SGIP1: variants seen among roughly 807,000 people sequenced by gnomAD.
SGIP1 encodes SH3-containing GRB2-like protein 3-interacting protein 1.
A neutral mutation model predicts 107.5 loss-of-function variants in SGIP1; 38 were observed. That is an observed-to-expected ratio of 0.35 (90% CI 0.27 to 0.46). The LOEUF (loss-of-function observed/expected upper bound fraction) is 0.46. Among genes scored for constraint, SGIP1 ranks in the 20% least tolerant of loss-of-function variants. SGIP1 has a pLI of 1.00. For synonymous variants in SGIP1, 365 were observed against 366.1 expected (o/e 1.00, Z 0.03); for missense variants, 929 against 1,019.5 (o/e 0.91, Z 1.21).
chr1:66,722,586 A>G (rs2093590723), intron 19 of SGIP1, among the ~76,000 whole-genome samples: 1 of 152,200 alleles, frequency 6.6e-6, no homozygotes, highest in Non-Finnish European at 1.5e-5. Context: ...GCTAGACAGG[A>G]GATATATTGG....
chr1:66,625,065 G>A (rs1243997892), intron 1 of SGIP1, among the ~76,000 whole-genome samples: 1 of 152,096 alleles, frequency 6.6e-6, no homozygotes, highest in Non-Finnish European at 1.5e-5. Flanking sequence ...AGCCTACTAG[G>A]GAAACTGACA....
At chr1:66,600,793 G>C (rs2065651638) in intron 1 of SGIP1, among the ~76,000 whole-genome samples, 1 of 152,122 alleles carries the variant, frequency 6.6e-6, no homozygotes. Context: ...TTTTAGGCAG[G>C]GGCATGACAT....
chr1:66,734,031 A>G, intron 21 of SGIP1, 151 bp downstream of exon 21: 1 of 844,460 alleles, frequency 1.2e-6, no homozygotes, highest in East Asian at 3.0e-5. Context: ...TTTAAAAGAT[A>G]ACTTGGGGAC....
intron 1 of SGIP1, among the ~76,000 whole-genome samples, chr1:66,583,214 G>A (rs1418099592): frequency 1.3e-5 from 2 of 152,094 alleles, no homozygotes; most frequent in Non-Finnish European, 1.5e-5. Context: ...GAGACTGAAA[G>A]ATGGAATTGT....
At chr1:66,661,516 T>C (rs561062918) in intron 8 of SGIP1, among the ~76,000 whole-genome samples, 25 of 152,158 alleles carry the variant, frequency 1.6e-4, no homozygotes, top group Non-Finnish European at 3.7e-4. Flanking sequence ...TTAAAATGTC[T>C]CAAAATGTGA....
At chr1:66,586,206 GC>G (rs1224035224) in intron 1 of SGIP1, among the ~76,000 whole-genome samples, 1 of 151,508 alleles carries the variant, frequency 6.6e-6, no homozygotes, top group Non-Finnish European at 1.5e-5. Context: ...CCCATGTTTT[GC>G]CTTCAATTTG....
intron 16 of SGIP1, 112 bp downstream of exon 16, chr1:66,689,387 G>C: frequency 7.3e-7 from 1 of 1,367,506 alleles, no homozygotes; most frequent in Non-Finnish European, 9.9e-7. Context: ...ACCCTGACAG[G>C]TGGCATCTGA....
intron 18 of SGIP1, among the ~76,000 whole-genome samples, chr1:66,700,675 T>A (rs1444229571): frequency 6.6e-6 from 1 of 152,166 alleles, no homozygotes; most frequent in Non-Finnish European, 1.5e-5. Flanking sequence ...ATATTTATCA[T>A]TTTTTTGGGT....
At chr1:66,553,588 A>G (rs2057744415) in intron 1 of SGIP1, among the ~76,000 whole-genome samples, 1 of 151,354 alleles carries the variant, frequency 6.6e-6, no homozygotes, top group Admixed American at 6.6e-5. Context: ...AGGTAGGAGA[A>G]TTGCTTGAAC....
intron 2 of SGIP1, chr1:66,628,346 G>C (rs551359870): frequency 7.8e-5 from 12 of 154,432 alleles, no homozygotes; most frequent in African/African-American, 2.9e-4. Flanking sequence ...AAAACTCCAT[G>C]GCTTTGGGAA....
chr1:66,695,672 T>C (rs2090764331), intron 18 of SGIP1, among the ~76,000 whole-genome samples, 179 bp downstream of exon 18: 1 of 152,230 alleles, frequency 6.6e-6, no homozygotes, highest in South Asian at 2.1e-4. Context: ...ATTTGGTTTG[T>C]ATATGATCTT....
intron 18 of SGIP1, among the ~76,000 whole-genome samples, chr1:66,702,673 A>G (rs1327805271): frequency 6.6e-6 from 1 of 152,192 alleles, no homozygotes; most frequent in Non-Finnish European, 1.5e-5. Flanking sequence ...GGTGGTGACT[A>G]TACTTAGAAG....
At chr1:66,643,747 C>G in intron 7 of SGIP1, 28 bp downstream of exon 7, 1 of 1,560,768 alleles carries the variant, frequency 6.4e-7, no homozygotes, top group Non-Finnish European at 8.6e-7. Context: ...GTGTGTTAAG[C>G]TTTAGTGAGA....
At chr1:66,692,944 G>A (rs1281567301) in intron 17 of SGIP1, among the ~76,000 whole-genome samples, 1 of 152,146 alleles carries the variant, frequency 6.6e-6, no homozygotes, top group Non-Finnish European at 1.5e-5. Flanking sequence ...ATGAAGAAGA[G>A]CTCCTATACA....
intron 1 of SGIP1, among the ~76,000 whole-genome samples, chr1:66,548,889 C>A (rs1025224628): frequency 2.0e-5 from 3 of 152,160 alleles, no homozygotes; most frequent in Non-Finnish European, 2.9e-5. Flanking sequence ...ACTTACTATG[C>A]CCTAAATTGC....
At chr1:66,607,463 G>A (rs1364338551) in intron 1 of SGIP1, among the ~76,000 whole-genome samples, 1 of 152,234 alleles carries the variant, frequency 6.6e-6, no homozygotes, top group Non-Finnish European at 1.5e-5. Context: ...GCACCATAGC[G>A]GTGGAGTGGG....
chr1:66,716,855 T>C (rs1572188897), intron 18 of SGIP1, among the ~76,000 whole-genome samples: 1 of 152,052 alleles, frequency 6.6e-6, no homozygotes, highest in African/African-American at 2.4e-5. Context: ...AATTGCTAAC[T>C]CCCCAAGCCT....
intron 15 of SGIP1, among the ~76,000 whole-genome samples, chr1:66,686,658 G>C (rs917116113): frequency 5.9e-5 from 9 of 152,172 alleles, no homozygotes; most frequent in Admixed American, 5.2e-4. Flanking sequence ...TCAGGGTTTG[G>C]TCAAGCAGGG....
Position 66,749,345 on chromosome 1 carries a change from A to T in SGIP1, c.*6250A>T, listed in dbSNP as rs956056318. Among the ~76,000 whole-genome samples the T allele has an allele frequency of 2.0e-5, 3 of 152,100 alleles. No homozygotes were observed. In the South Asian group the frequency reaches 6.2e-4, roughly 32 times the overall value. ...AGTATTTTTACATCAGCTTGTCAGA[A>T]ATTATATTAAAAACACTTTGGGGAA... On this transcript the variant is annotated 3_prime_UTR_variant, in exon 25 of 25. Transcript: ENST00000371037.
Sources: gnomAD v4.1 joint callset for allele counts (sites outside exome capture counted in the v4.1 genomes callset) on GRCh38, gnomAD v4.1.1 for gene constraint, MANE v1.5 for transcripts, NCBI Gene and HGNC (gene_info 2026-07-23, HGNC 2026-07-21) for gene names.